The following RASSF3 variants were observed in gnomAD, a reference collection of about 807,000 sequenced individuals.
The protein encoded by RASSF3 is ras association domain-containing protein 3.
Under a neutral mutation model 19.9 loss-of-function variants are expected in RASSF3, and 19 were observed. The observed-to-expected ratio is 0.96, with a 90% CI of 0.67 to 1.40. RASSF3 has a LOEUF of 1.40. Ranked by LOEUF, RASSF3 falls within the 40% of genes most tolerant of loss-of-function variation. RASSF3 has a pLI of 0.00. For synonymous variants in RASSF3, 110 were observed against 104.2 expected (o/e 1.06, Z -0.34); for missense variants, 306 against 289.8 (o/e 1.06, Z -0.41).
In RASSF3 at chr12:64,610,749, T is replaced by C; in HGVS notation, c.111+6T>C. On this transcript the variant is annotated splice_donor_region_variant and intron_variant, in intron 1 of 4. Coordinates refer to ENST00000542104, the MANE Select transcript of RASSF3 (RefSeq NM_178169.4). ...AGCCCCGCTCCGGCCAACAAGTGAG[T>C]GGCGCGCGGCGGGCGCTGCAGCCCG... is the stretch of plus-strand genomic sequence containing the variant. 6.4e-7 allele frequency: 1 copy of C among 1,570,066 alleles called. No individual in the cohort carries two copies. Among genetic ancestry groups the C allele is most frequent in the Non-Finnish European group, 8.6e-7 (1 of 1,156,400 alleles).
At chr12:64,586,227 G>C (rs1369381191) in intron 2 of RASSF3, among the ~76,000 whole-genome samples, 1 of 151,646 alleles carries the variant, frequency 6.6e-6, no homozygotes, top group Non-Finnish European at 1.5e-5. Flanking sequence ...GAGAGGCTGA[G>C]GCAGGAGAAT....
chr12:64,612,349 T>C (rs891641262), intron 1 of RASSF3, among the ~76,000 whole-genome samples: 2 of 152,188 alleles, frequency 1.3e-5, no homozygotes, highest in Non-Finnish European at 2.9e-5. Context: ...AACTGGCTGG[T>C]TCTTGGATTC....
chr12:64,525,001 C>T (rs1352717505), intron 1 of RASSF3, among the ~76,000 whole-genome samples: 1 of 152,186 alleles, frequency 6.6e-6, no homozygotes, highest in African/African-American at 2.4e-5. Context: ...AGTGGCCGGA[C>T]ACAGTGGCTC....
chr12:64,645,362 T>G (rs1438102780), intron 1 of RASSF3, among the ~76,000 whole-genome samples: 1 of 152,154 alleles, frequency 6.6e-6, no homozygotes, highest in Non-Finnish European at 1.5e-5. Flanking sequence ...GAATTTATCC[T>G]TAAGAAATAT....
rs973421684 is a variant in RASSF3 at position 64,568,608 on chromosome 12, C to T, written c.294+26903C>T. 2.0e-5 allele frequency among the ~76,000 whole-genome samples: 3 copies of T among 152,086 alleles called. No homozygotes were observed. In the South Asian group the frequency reaches 6.2e-4, roughly 32 times the overall value. On this transcript the variant is annotated intron_variant, in intron 2 of 5. Coordinates refer to the RASSF3 transcript ENST00000637125. ...GCAGGAGCTGCAGTCAGGCACTCCC[C>T]AGTCTGTTTGGTGGGGTTCGGTTCT...
chr12:64,535,094 G>A (rs75632176), intron 1 of RASSF3, among the ~76,000 whole-genome samples: 3 of 124,062 alleles, frequency 2.4e-5, no homozygotes, highest in Non-Finnish European at 3.6e-5. Flanking sequence ...AAAAAAAAAA[G>A]GAAAGTACCT....
At chr12:64,676,719 C>G (rs558751086) in intron 1 of RASSF3, among the ~76,000 whole-genome samples, 1 of 151,902 alleles carries the variant, frequency 6.6e-6, no homozygotes, top group East Asian at 1.9e-4. Context: ...GATCTATCCA[C>G]CTTGGGCTCC....
At chr12:64,627,022 G>A (rs1871020279) in intron 1 of RASSF3, among the ~76,000 whole-genome samples, 1 of 152,160 alleles carries the variant, frequency 6.6e-6, no homozygotes, top group Non-Finnish European at 1.5e-5. Context: ...AGTTCCTTGA[G>A]TAACAGTTTC....
chr12:64,684,539 C>T (rs1873270212), intron 1 of RASSF3, among the ~76,000 whole-genome samples: 1 of 150,110 alleles, frequency 6.7e-6, no homozygotes, highest in Non-Finnish European at 1.5e-5. Flanking sequence ...CAAAGTGATT[C>T]TCCTGCCTCA....
chr12:64,569,501 C>T (rs1250275599), intron 2 of RASSF3, among the ~76,000 whole-genome samples: 3 of 152,250 alleles, frequency 2.0e-5, no homozygotes, highest in African/African-American at 7.2e-5. Flanking sequence ...GAGTTACAAC[C>T]AGTTCCTCCC....
intron 1 of RASSF3, among the ~76,000 whole-genome samples, chr12:64,673,706 AC>A (rs1445705506): frequency 6.6e-6 from 1 of 152,134 alleles, no homozygotes; most frequent in East Asian, 1.9e-4. Context: ...TTCCTTTCTT[AC>A]ATAGCTCACC....
rs867112070 is a variant in RASSF3, at chr12:64,589,441, C to A, written c.294+47736C>A. On this transcript the variant is annotated intron_variant, in intron 2 of 5. Transcript: ENST00000637125. ...CTCCAGCCTGGGCAACAGAGTGAGA[C>A]CCTGTCTCAAAAAATAAAATAAGAT... Among the ~76,000 whole-genome samples the A allele has an allele frequency of 2.2e-4, 33 of 152,110 alleles. No homozygotes were observed. The Middle Eastern group carries it at 0.01, about 47-fold the overall frequency.
intron 2 of RASSF3, among the ~76,000 whole-genome samples, chr12:64,595,229 G>T (rs1019789277): frequency 1.3e-5 from 2 of 151,804 alleles, no homozygotes; most frequent in African/African-American, 4.8e-5. Flanking sequence ...CACCACGCCA[G>T]GCTAATTTTT....
At chr12:64,562,613 G>T (rs2136126233) in intron 2 of RASSF3, among the ~76,000 whole-genome samples, 1 of 108,002 alleles carries the variant, frequency 9.3e-6, no homozygotes, top group South Asian at 3.2e-4. Flanking sequence ...TCTCCTGGGT[G>T]TTTAAATTTT....
intron 1 of RASSF3, among the ~76,000 whole-genome samples, chr12:64,538,289 G>T (rs1278640876): frequency 6.6e-6 from 1 of 152,120 alleles, no homozygotes; most frequent in African/African-American, 2.4e-5. Flanking sequence ...CGCTGTGCCT[G>T]GCCTTAGTTT....
At chr12:64,681,611 CTG>C (rs757006381) in intron 1 of RASSF3, among the ~76,000 whole-genome samples, 8 of 152,170 alleles carry the variant, frequency 5.3e-5, no homozygotes, top group Non-Finnish European at 8.8e-5. Context: ...ACAGTTAAAA[CTG>C]AATGTACAAG....
At chr12:64,635,653 G>A (rs1448922892) in intron 1 of RASSF3, among the ~76,000 whole-genome samples, 3 of 152,212 alleles carry the variant, frequency 2.0e-5, no homozygotes, top group Non-Finnish European at 2.9e-5. Context: ...ATTAACCAAC[G>A]TTAGAAACTG....
At chr12:64,559,306 C>T (rs539925622) in intron 2 of RASSF3, among the ~76,000 whole-genome samples, 36 of 149,380 alleles carry the variant, frequency 2.4e-4, no homozygotes, top group African/African-American at 8.1e-4. Context: ...TGCAGTGGCG[C>T]GATCTCGGTT....
In RASSF3 at chr12:64,688,196, T is replaced by C; in HGVS notation, c.220-20T>C. 2 of 1,575,402 alleles carry C rather than the reference T, an allele frequency of 1.3e-6. No homozygotes were observed. The highest frequency in any genetic ancestry group is 8.7e-7 in the Non-Finnish European group (1 of 1,144,672). The stretch of plus-strand genomic sequence containing the variant: ...GCCACCATCCACCCAGCTAAGTGTG[T>C]GCTTCTCTCCCTGCTTCAGAATTCA... On this transcript the variant is annotated intron_variant, in intron 2 of 4. Coordinates refer to ENST00000542104, the MANE Select transcript of RASSF3 (RefSeq NM_178169.4).
Sources: allele counts gnomAD v4.1 joint callset (sites outside exome capture counted in the v4.1 genomes callset), GRCh38; gene constraint gnomAD v4.1.1; transcripts MANE v1.5; gene names NCBI Gene and HGNC (gene_info 2026-07-23, HGNC 2026-07-21).